The following HOMER1 variants were observed in gnomAD, a reference collection of about 807,000 sequenced individuals.
HOMER1 encodes homer protein homolog 1.
Under a neutral mutation model 48.9 loss-of-function variants are expected in HOMER1, and 3 were observed. The observed-to-expected ratio is 0.06, with a 90% CI of 0.03 to 0.16. HOMER1 has a LOEUF of 0.16. Ranked by LOEUF, HOMER1 falls within the 10% of genes least tolerant of loss-of-function variation. The pLI, the probability that HOMER1 is intolerant of heterozygous loss-of-function variation, is 1.00. For synonymous variants in HOMER1, 134 were observed against 146.4 expected (o/e 0.92, Z 0.61); for missense variants, 247 against 411.4 (o/e 0.60, Z 3.46).
chr5:79,453,308 A>T (rs1209791997), intron 2 of HOMER1, among the ~76,000 whole-genome samples: 5 of 152,170 alleles, frequency 3.3e-5, no homozygotes, highest in Admixed American at 3.3e-4. Context: ...ATAACTCAAA[A>T]GTGAGTCAAC....
chr5:79,444,682 A>G (rs988064595), intron 4 of HOMER1, among the ~76,000 whole-genome samples: 2 of 152,224 alleles, frequency 1.3e-5, no homozygotes, highest in African/African-American at 4.8e-5. Context: ...AACTAAGTAC[A>G]ATGGCAAAGC....
chr5:79,430,021 CA>C (rs60012975), intron 5 of HOMER1, among the ~76,000 whole-genome samples: 44,726 of 116,708 alleles, frequency 0.38, 6,790 homozygotes, highest in African/African-American at 0.49. Context: ...AGACTCTTCT[CA>C]AAAAAAAAAA....
At chr5:79,456,792 T>G (rs2112302489) in intron 2 of HOMER1, 70 bp downstream of exon 2, 1 of 1,332,604 alleles carries the variant, frequency 7.5e-7, no homozygotes, top group Non-Finnish European at 1.0e-6. Context: ...TAAAATGTTC[T>G]GAATAGAACT....
At chr5:79,496,411 C>T (rs903265634) in intron 1 of HOMER1, among the ~76,000 whole-genome samples, 2 of 152,094 alleles carry the variant, frequency 1.3e-5, no homozygotes, top group Non-Finnish European at 2.9e-5. Flanking sequence ...AGATGATATG[C>T]CTCATAGGTA....
At chr5:79,441,546 T>C (rs542792198) in intron 4 of HOMER1, among the ~76,000 whole-genome samples, 1 of 152,320 alleles carries the variant, frequency 6.6e-6, no homozygotes, top group South Asian at 2.1e-4. Flanking sequence ...AAAACTTGAA[T>C]ATTAGCTATA....
At chr5:79,509,152 A>T (rs567881296) in intron 1 of HOMER1, among the ~76,000 whole-genome samples, 1 of 152,340 alleles carries the variant, frequency 6.6e-6, no homozygotes, top group South Asian at 2.1e-4. Context: ...TTGGGCTGCA[A>T]TGTAGCAGCA....
chr5:79,463,252 T>A (rs936985589), intron 1 of HOMER1, among the ~76,000 whole-genome samples: 6 of 152,140 alleles, frequency 3.9e-5, no homozygotes, highest in African/African-American at 1.4e-4. Context: ...TTGCCAGAAG[T>A]TGGGTTAGGA....
chr5:79,379,274 T>C (rs1234445588), intron 8 of HOMER1, among the ~76,000 whole-genome samples: 2 of 84,494 alleles, frequency 2.4e-5, no homozygotes, highest in Non-Finnish European at 4.4e-5. Context: ...TTATATATTA[T>C]ATATATCTAT....
At chr5:79,498,776 G>A (rs1752492517) in intron 1 of HOMER1, among the ~76,000 whole-genome samples, 3 of 151,652 alleles carry the variant, frequency 2.0e-5, no homozygotes, top group Non-Finnish European at 4.4e-5. Flanking sequence ...CAACTACCTC[G>A]GGATGATTCA....
At chr5:79,434,508 G>T (rs1026798537) in intron 5 of HOMER1, among the ~76,000 whole-genome samples, 4 of 151,936 alleles carry the variant, frequency 2.6e-5, no homozygotes, top group Admixed American at 2.6e-4. Flanking sequence ...GGTTTCAAAG[G>T]ATGTTCAAGT....
chr5:79,486,845 G>A (rs1752116896), intron 1 of HOMER1, among the ~76,000 whole-genome samples: 3 of 152,166 alleles, frequency 2.0e-5, no homozygotes, highest in Non-Finnish European at 4.4e-5. Context: ...TTTTAAGCAA[G>A]GTAGGTAGTA....
chr5:79,379,370 A>T (rs1561340722), intron 8 of HOMER1, among the ~76,000 whole-genome samples: 2 of 112,086 alleles, frequency 1.8e-5, no homozygotes, highest in Non-Finnish European at 3.3e-5. Flanking sequence ...ATATTTATAT[A>T]TATTTATATA....
chr5:79,398,113 G>C (rs1003119028), intron 6 of HOMER1, among the ~76,000 whole-genome samples: 1 of 152,090 alleles, frequency 6.6e-6, no homozygotes, highest in African/African-American at 2.4e-5. Flanking sequence ...TTAGATACTG[G>C]AATGACTTTA....
intron 6 of HOMER1, chr5:79,397,853 G>T (rs1285189221): frequency 5.7e-6 from 2 of 352,538 alleles, no homozygotes; most frequent in Non-Finnish European, 1.0e-5. Context: ...CTTAGTCATA[G>T]AAAGGTTAGG....
chr5:79,415,622 G>A (rs139875293), intron 5 of HOMER1, among the ~76,000 whole-genome samples: 128 of 152,220 alleles, frequency 8.4e-4, no homozygotes, highest in African/African-American at 2.9e-3. Flanking sequence ...TTGGTGTATC[G>A]TAGATCAGAT....
chr5:79,409,225 G>T (rs1469578082), intron 5 of HOMER1, among the ~76,000 whole-genome samples: 1 of 151,970 alleles, frequency 6.6e-6, no homozygotes, highest in African/African-American at 2.4e-5. Context: ...TTGAGGCCAG[G>T]AGTTTGAGAC....
At chr5:79,388,375 A>G (rs1272613089) in intron 8 of HOMER1, among the ~76,000 whole-genome samples, 1 of 152,214 alleles carries the variant, frequency 6.6e-6, no homozygotes, top group East Asian at 1.9e-4. Flanking sequence ...AACAATTTAT[A>G]AACCACCCCA....
chr5:79,439,060 G>A lies in HOMER1; in HGVS notation c.477C>T (p.Asn159=). 1 of 1,613,856 alleles carries A rather than the reference G, an allele frequency of 6.2e-7. No homozygotes were observed. The highest frequency in any genetic ancestry group is 8.5e-7 in the Non-Finnish European group (1 of 1,179,794). ...DDERTPDVTQ[N]SEPRAEPTQN... is the part of the protein sequence containing the mutation. ...GAGTTGGTTCAGCCCTTGGCTCTGA[G>A]TTCTGTGTCACATCAGGTGTTCTTT... Residue 159 remains asparagine, a synonymous_variant, in exon 5 of 9, where the codon AAC becomes AAT. Transcript: ENST00000334082.
chr5:79,376,594 G>T (rs957691083), intron 8 of HOMER1, among the ~76,000 whole-genome samples: 1 of 152,082 alleles, frequency 6.6e-6, no homozygotes, highest in Non-Finnish European at 1.5e-5. Flanking sequence ...GGCAGAGAAA[G>T]AAAAAGAAAT....
Sources: gnomAD v4.1 joint callset for allele counts (sites outside exome capture counted in the v4.1 genomes callset) on GRCh38, gnomAD v4.1.1 for gene constraint, MANE v1.5 for transcripts, NCBI Gene and HGNC (gene_info 2026-07-23, HGNC 2026-07-21) for gene names.